Variants in DIP2C observed in about 807,000 individuals in gnomAD.
DIP2C encodes the protein DIP2 acetate--CoA ligase C (putative).
Under a neutral mutation model 192.4 loss-of-function variants are expected in DIP2C, and 33 were observed. The observed-to-expected ratio is 0.17, with a 90% confidence interval of 0.13 to 0.23. The LOEUF is 0.23. Ranked by LOEUF, DIP2C falls within the 10% of genes least tolerant of loss-of-function variation. The pLI is 1.00. For synonymous variants in DIP2C, 979 were observed against 864.1 expected, an observed-to-expected ratio of 1.13 and a Z score of -2.33; for missense variants, 1,537 against 2,110.1, an observed-to-expected ratio of 0.73 and a Z score of 5.32.
intron 29 of DIP2C, among the ~76,000 whole-genome samples, chr10:338,722 C>T (rs897474469): frequency 6.6e-6 from 1 of 152,186 alleles, no homozygotes; most frequent in Admixed American, 6.5e-5. Context: ...CGGCTGCTGC[C>T]GATTCTTAGA....
intron 14 of DIP2C, 114 bp downstream of exon 14, chr10:387,631 G>T: frequency 1.1e-6 from 1 of 893,102 alleles, no homozygotes; most frequent in Non-Finnish European, 1.9e-6. Flanking sequence ...GACAGTGTGG[G>T]GAGGGGACTC....
At chr10:627,522 G>C (rs984933447) in intron 1 of DIP2C, among the ~76,000 whole-genome samples, 1 of 152,184 alleles carries the variant, frequency 6.6e-6, no homozygotes, top group African/African-American at 2.4e-5. Context: ...GTCCACCCAG[G>C]GCAGACAGTG....
At chr10:578,635 A>G (rs1255419331) in intron 1 of DIP2C, among the ~76,000 whole-genome samples, 1 of 152,230 alleles carries the variant, frequency 6.6e-6, no homozygotes, top group Non-Finnish European at 1.5e-5. Flanking sequence ...GGTGCTAACG[A>G]GATGGTGTGT....
chr10:589,514 T>C (rs1217924055), intron 1 of DIP2C, among the ~76,000 whole-genome samples: 2 of 152,152 alleles, frequency 1.3e-5, no homozygotes, highest in East Asian at 3.8e-4. Flanking sequence ...GAATTTCTCC[T>C]TGTTTTCACT....
At chr10:291,083 T>C (rs1180591587) in intron 32 of DIP2C, among the ~76,000 whole-genome samples, 1 of 152,192 alleles carries the variant, frequency 6.6e-6, no homozygotes, top group Non-Finnish European at 1.5e-5. Context: ...GTTTTTACCT[T>C]GGCCTGTGCC....
intron 1 of DIP2C, among the ~76,000 whole-genome samples, chr10:537,502 G>A (rs1023315469): frequency 3.3e-5 from 5 of 152,028 alleles, no homozygotes; most frequent in African/African-American, 4.8e-5. Context: ...AAGTAACTAC[G>A]ACCTGGCTCC....
intron 1 of DIP2C, among the ~76,000 whole-genome samples, chr10:542,834 T>TC (rs542926769): frequency 1.4e-5 from 2 of 139,842 alleles, no homozygotes; most frequent in East Asian, 2.1e-4. Context: ...GTTCTGACCC[T>TC]CCCCCCTTCT....
At chr10:386,475 C>CA (rs1222160531) in intron 14 of DIP2C, among the ~76,000 whole-genome samples, 3 of 152,034 alleles carry the variant, frequency 2.0e-5, no homozygotes, top group Non-Finnish European at 4.4e-5. Context: ...CAAGCTGCTC[C>CA]ATCTTATCCC....
At chr10:523,417 T>C (rs1346367816) in intron 1 of DIP2C, among the ~76,000 whole-genome samples, 16 of 137,698 alleles carry the variant, frequency 1.2e-4, no homozygotes, top group Non-Finnish European at 1.4e-4. Context: ...GACCCTGGAG[T>C]GAAGATGCAG....
At position 349,447 on chromosome 10, in the gene DIP2C, A is replaced by G. The variant is rs1161645154; in HGVS notation, c.2993T>C (p.Ile998Thr). ...CTGCACGCAGGTCAGCGAGTTCGCT[A>G]TCGCACCCTGCGGGCCGATCACAGG... Reference protein sequence around the residue: ...LYTLLNCRGAIANSLTCVQLH... With the variant: ...LYTLLNCRGATANSLTCVQLH... The change falls in exon 25 of 37, where the codon ATA becomes ACA. Residue 998 changes from isoleucine (I) to threonine (T), a missense_variant. Ile to Thr is a moderately conservative substitution (Grantham distance 89, BLOSUM62 -1). Transcript: ENST00000280886. The G allele has an allele frequency of 6.2e-7, 1 of 1,605,960 alleles. No individual in the cohort carries two copies. The highest frequency in any genetic ancestry group is 8.5e-7 in the Non-Finnish European group (1 of 1,176,850).
At chr10:298,809 C>CCA (rs1955881241) in intron 32 of DIP2C, among the ~76,000 whole-genome samples, 1 of 152,212 alleles carries the variant, frequency 6.6e-6, no homozygotes, top group Non-Finnish European at 1.5e-5. Context: ...GGCTGCACCT[C>CCA]CACCCAACCC....
At chr10:281,517 C>T (rs992005116) in intron 35 of DIP2C, among the ~76,000 whole-genome samples, 194 bp from the exon 36 acceptor site, 9 of 152,244 alleles carry the variant, frequency 5.9e-5, no homozygotes, top group Admixed American at 2.0e-4. Flanking sequence ...GTGCCAGTAC[C>T]CCACAGGCTG....
chr10:482,086 C>T (rs1454000664), intron 2 of DIP2C, among the ~76,000 whole-genome samples: 1 of 152,186 alleles, frequency 6.6e-6, no homozygotes, highest in African/African-American at 2.4e-5. Context: ...GGGGAGAAAT[C>T]CCTCAGGACA....
At chr10:670,571 C>G (rs1222515195) in intron 1 of DIP2C, among the ~76,000 whole-genome samples, 1 of 152,182 alleles carries the variant, frequency 6.6e-6, no homozygotes, top group African/African-American at 2.4e-5. Context: ...TTAAACGTGA[C>G]CATTCCTGCC....
rs1954411686 is a variant in DIP2C, at chr10:274,362, AAC to A, written c.*2961_*2962del. On this transcript the variant is annotated 3_prime_UTR_variant, in exon 37 of 37. Transcript: ENST00000280886. The stretch of plus-strand genomic sequence containing the variant: ...ACTAAGTAATGCAACAAATTATGTA[AAC>A]AGAGTCAGATACATTTCCCTGTAGG... 1 of 152,232 alleles carries A rather than the reference AAC, an allele frequency of 6.6e-6. No homozygotes were observed. Among genetic ancestry groups the A allele is most frequent in the South Asian group, 2.1e-4 (1 of 4,828 alleles). 9.4% of individuals were successfully genotyped at this position (152,232 alleles called of 1,614,324 possible).
At chr10:390,701 G>A (rs1035412123) in intron 11 of DIP2C, 39 bp downstream of exon 11, 11 of 1,600,744 alleles carry the variant, frequency 6.9e-6, no homozygotes, top group Non-Finnish European at 9.4e-6. Context: ...TCTGACAAAG[G>A]ACGTGGGCAT....
chr10:321,249 C>T lies in DIP2C; in HGVS notation c.3924+5757G>A, dbSNP rs144361239. 5.8e-3 allele frequency among the ~76,000 whole-genome samples: 877 copies of T among 152,336 alleles called. 11 individuals are homozygous for T. The highest frequency in any genetic ancestry group is 0.019 in the African/African-American group (780 of 41,586). ...GCACTGGAAAAACTGCATGCGGCTT[C>T]GCCCTTGAGGATGCAGCACTGCTCA... is the stretch of plus-strand genomic sequence containing the variant. On this transcript the variant is annotated intron_variant, in intron 31 of 36. Transcript: ENST00000280886.
chr10:559,336 G>T (rs1337357346), intron 1 of DIP2C, among the ~76,000 whole-genome samples: 1 of 152,132 alleles, frequency 6.6e-6, no homozygotes, highest in Non-Finnish European at 1.5e-5. Flanking sequence ...GAACGCCGGG[G>T]GAACGCCGGG....
At chr10:349,627 C>T (rs1007238351) in intron 24 of DIP2C, among the ~76,000 whole-genome samples, 173 bp from the exon 25 acceptor site, 2 of 152,176 alleles carry the variant, frequency 1.3e-5, no homozygotes, top group African/African-American at 2.4e-5. Flanking sequence ...TTTTAGCCTC[C>T]CCCAAAACTA....
Sources: allele counts gnomAD v4.1 joint callset (sites outside exome capture counted in the v4.1 genomes callset), GRCh38; gene constraint gnomAD v4.1.1; transcripts MANE v1.5; gene names NCBI Gene and HGNC (gene_info 2026-07-23, HGNC 2026-07-21).